SOX1: variants seen among roughly 807,000 people sequenced by gnomAD.
SOX1 encodes transcription factor SOX-1.
Under a neutral mutation model 0.9 loss-of-function variants are expected in SOX1, and 1 was observed. The ratio of observed to expected loss-of-function variants is 1.07; its 90% CI spans 0.38 to 5.06. The LOEUF is 5.06. SOX1 is among the 30% of genes most tolerant of loss of function. The probability of loss-of-function intolerance (pLI) is 0.16; values close to 1 mark genes in which losing one functional copy is unlikely to be tolerated. For synonymous variants in SOX1, 397 were observed against 265.5 expected, an observed-to-expected ratio of 1.50 and a Z score of -4.81; for missense variants, 564 against 534.4, an observed-to-expected ratio of 1.06 and a Z score of -0.55.
Position 112,068,747 on chromosome 13 carries a change from G to C in SOX1, c.1089G>C (p.Ala363=). 8.4e-7 allele frequency: 1 copy of C among 1,195,612 alleles called. No homozygotes were observed. Among genetic ancestry groups the C allele is most frequent in the Non-Finnish European group, 1.0e-6 (1 of 965,200 alleles). The allele number at this position is 1,195,612 out of a possible 1,614,324, so 74.1% of individuals were successfully genotyped here. The change falls in exon 1 of 1, where the codon GCG becomes GCC. Residue 363 remains alanine (A), a synonymous_variant. Transcript: ENST00000330949. This position sits in a 1 kb window ranked among gnomAD's most constrained non-coding sequence, Gnocchi z 6.9. The stretch of plus-strand genomic sequence containing the variant: ...ACCCGGCGGCGGCAGCAGCGGCCGC[G>C]GCGCAGAGCCGGCTGCACTCGCTGC... ...GGDPAAAAAA[A]AQSRLHSLPQ...
chr13:112,071,436 T>G lies in SOX1; in HGVS notation c.*2602T>G, dbSNP rs1483862093. ...AACACAGAAAAAAGCAAATATAAAT[T>G]TTTAATGACTCCATTTAAAAATATC... On this transcript the variant is annotated 3_prime_UTR_variant, in exon 1 of 1. Transcript: ENST00000330949. 6.6e-6 allele frequency among the ~76,000 whole-genome samples: 1 copy of G among 152,214 alleles called. No homozygotes were observed. Among genetic ancestry groups the G allele is most frequent in the Non-Finnish European group, 1.5e-5 (1 of 68,046 alleles).
At position 112,067,754 on chromosome 13, in the gene SOX1, G is replaced by A. The variant is rs1215133635; in HGVS notation, c.96G>A (p.Gly32=). Residue 32 remains glycine (G), a synonymous_variant, in exon 1 of 1, where the codon GGG becomes GGA. Coordinates refer to ENST00000330949, the MANE Select transcript of SOX1 (RefSeq NM_005986.3). The surrounding 1 kb of genome is among the most constrained non-coding windows in gnomAD (Gnocchi z 5.1). ...GCCCCGCCGGGGCGGGCGGCGGCGG[G>A]GGCGGAGGCGGGGGCGGCGGCGGCG... ...LSGPAGAGGG[G]GGGGGGGGGG... 4.0e-5 allele frequency: 50 copies of A among 1,237,656 alleles called. No individual in the cohort carries two copies. The highest frequency in any genetic ancestry group is 5.1e-5 in the Non-Finnish European group (50 of 985,272). 76.7% of individuals were successfully genotyped at this position (1,237,656 alleles called of 1,614,324 possible). A position where few individuals can be genotyped will look rare whatever the true frequency, so the allele number is the denominator to read the frequency against.
Position 112,068,160 on chromosome 13 carries a change from C to A in SOX1, c.502C>A (p.Gln168Lys). 1 of 970,836 alleles carries A rather than the reference C, an allele frequency of 1.0e-6. No individual in the cohort carries two copies. The highest frequency in any genetic ancestry group is 1.2e-6 in the Non-Finnish European group (1 of 803,844). The allele number at this position is 970,836 out of a possible 1,614,324, so 60.1% of individuals were successfully genotyped here. A position where few individuals can be genotyped will look rare whatever the true frequency, so the allele number is the denominator to read the frequency against. ...GVGVGAAAVG[Q>K]RLESPGGAAG... ...GGGCGTGGGCGCGGCGGCCGTGGGCCAGCGCCTGGAGAGCCCAGGCGGCGC... is the reference window on the plus strand; with the variant it reads ...GGGCGTGGGCGCGGCGGCCGTGGGCAAGCGCCTGGAGAGCCCAGGCGGCGC... The change falls in exon 1 of 1, where the codon CAG becomes AAG. Residue 168 changes from glutamine (Q) to lysine (K), a missense_variant. By Grantham distance (53) the Gln-to-Lys change is moderately conservative. Transcript: ENST00000330949. The surrounding 1 kb of genome is among the most constrained non-coding windows in gnomAD (Gnocchi z 6.9).
Position 112,068,134 on chromosome 13 carries a change from T to TGGGCGTGGGCGCGGC in SOX1, c.479_493dup (p.Gly160_Ala164dup). 1 of 1,108,118 alleles carries TGGGCGTGGGCGCGGC rather than the reference T, an allele frequency of 9.0e-7. No individual in the cohort carries two copies. Among genetic ancestry groups the TGGGCGTGGGCGCGGC allele is most frequent in the Non-Finnish European group, 1.1e-6 (1 of 901,994 alleles). The allele number at this position is 1,108,118 out of a possible 1,614,324, so 68.6% of individuals were successfully genotyped here. On this transcript the variant is annotated inframe_insertion, in exon 1 of 1. Transcript: ENST00000330949. This position sits in a 1 kb window ranked among gnomAD's most constrained non-coding sequence, Gnocchi z 6.9. Reference sequence around the variant, plus strand: ...GCGGCTGTGGCCATGGGCGTGGGCGTGGGCGTGGGCGCGGCGGCCGTGGGC... The same window carrying TGGGCGTGGGCGCGGC: ...GCGGCTGTGGCCATGGGCGTGGGCGTGGGCGTGGGCGCGGCGGGCGTGGGCGCGGCGGCCGTGGGC...
rs117681231 is a variant in SOX1 at position 112,071,569 on chromosome 13, G to A, written c.*2735G>A. Among the ~76,000 whole-genome samples, 797 of 152,192 alleles carry A rather than the reference G, an allele frequency of 5.2e-3. No homozygotes were observed. The highest frequency in any genetic ancestry group is 8.2e-3 in the Non-Finnish European group (561 of 68,004). ...CTCCAATTCAAATTAGTGGAGAAAAGATTACAGTAGGCCCTGAGCCGACTG... is the reference window on the plus strand; with the variant it reads ...CTCCAATTCAAATTAGTGGAGAAAAAATTACAGTAGGCCCTGAGCCGACTG... On this transcript the variant is annotated 3_prime_UTR_variant, in exon 1 of 1. Coordinates refer to ENST00000330949, the MANE Select transcript of SOX1 (RefSeq NM_005986.3).
rs939901327 is a variant in SOX1, at chr13:112,067,356, G to A, written c.-303G>A. ...GGCCACGACTGCACCTGTTTGCACC[G>A]CTCCGCCGAGGGCGCCTGGGCTGCG... is the stretch of plus-strand genomic sequence containing the variant. On this transcript the variant is annotated 5_prime_UTR_variant, in exon 1 of 1. Transcript: ENST00000330949. The surrounding 1 kb of genome is among the most constrained non-coding windows in gnomAD (Gnocchi z 5.1). Among the ~76,000 whole-genome samples, 48 of 152,254 alleles carry A rather than the reference G, an allele frequency of 3.2e-4. 1 individual carries two copies. Among genetic ancestry groups the A allele is most frequent in the African/African-American group, 1.1e-3 (44 of 41,574 alleles).
Position 112,070,382 on chromosome 13 carries a change from C to T in SOX1, c.*1548C>T, listed in dbSNP as rs1203075318. The T allele has an allele frequency of 6.0e-6, 1 of 166,278 alleles. No homozygotes were observed. The highest frequency in any genetic ancestry group is 1.5e-5 in the Non-Finnish European group (1 of 68,004). 10.3% of individuals were successfully genotyped at this position (166,278 alleles called of 1,614,324 possible). A position where few individuals can be genotyped will look rare whatever the true frequency, so the allele number is the denominator to read the frequency against. ...TTAAATTTTTTAATTATATTATTTT[C>T]TAGGTGTTTATTGGTACATTGCAGT... On this transcript the variant is annotated 3_prime_UTR_variant, in exon 1 of 1. Coordinates refer to ENST00000330949, the MANE Select transcript of SOX1 (RefSeq NM_005986.3).
Position 112,068,605 on chromosome 13 carries a change from C to G in SOX1, c.947C>G (p.Ser316Cys). Residue 316 changes from serine to cysteine, a missense_variant, in exon 1 of 1, where the codon TCT (serine) becomes TGT (cysteine). Coordinates refer to ENST00000330949, the MANE Select transcript of SOX1 (RefSeq NM_005986.3). The surrounding 1 kb of genome is among the most constrained non-coding windows in gnomAD (Gnocchi z 6.9). ...TCGGGCGCCCTGGGCGCGCTGGGCT[C>G]TCTGGTGAAGTCGGAGCCCAGCGGC... The part of the protein sequence containing the change: ...ASSGALGALG[S>C]LVKSEPSGSP... The G allele has an allele frequency of 8.8e-7, 1 of 1,130,510 alleles. No individual in the cohort carries two copies. Among genetic ancestry groups the G allele is most frequent in the Non-Finnish European group, 1.1e-6 (1 of 925,324 alleles). The allele number at this position is 1,130,510 out of a possible 1,614,324, so 70.0% of individuals were successfully genotyped here. A position where few individuals can be genotyped will look rare whatever the true frequency, so the allele number is the denominator to read the frequency against.
In SOX1 at chr13:112,071,434, A is replaced by AT; in HGVS notation, c.*2605dup. Among the ~76,000 whole-genome samples, 1 of 152,348 alleles carries AT rather than the reference A, an allele frequency of 6.6e-6. No homozygotes were observed. The highest frequency in any genetic ancestry group is 2.1e-4 in the South Asian group (1 of 4,820). ...ACAACACAGAAAAAAGCAAATATAA[A>AT]TTTTTAATGACTCCATTTAAAAATA... On this transcript the variant is annotated 3_prime_UTR_variant, in exon 1 of 1. Coordinates refer to ENST00000330949, the MANE Select transcript of SOX1 (RefSeq NM_005986.3).
At position 112,068,672 on chromosome 13, in the gene SOX1, G is replaced by A. The variant is rs1594124209; in HGVS notation, c.1014G>A (p.Gly338=). The A allele has an allele frequency of 1.7e-6, 2 of 1,171,372 alleles. No homozygotes were observed. The highest frequency in any genetic ancestry group is 1.6e-5 in the African/African-American group (1 of 61,960). The allele number at this position is 1,171,372 out of a possible 1,614,324, so 72.6% of individuals were successfully genotyped here. ...APAHSRAPCP[G]DLREMISMYL... ...CGCACTCGCGGGCGCCGTGCCCCGG[G>A]GACCTGCGCGAGATGATCAGCATGT... Residue 338 remains glycine (G), a synonymous_variant, in exon 1 of 1, where the codon GGG becomes GGA. Coordinates refer to ENST00000330949, the MANE Select transcript of SOX1 (RefSeq NM_005986.3). The surrounding 1 kb of genome is among the most constrained non-coding windows in gnomAD (Gnocchi z 6.9).
chr13:112,068,068 T>C lies in SOX1; in HGVS notation c.410T>C (p.Leu137Pro), dbSNP rs766297500. 1.3e-6 allele frequency: 2 copies of C among 1,571,390 alleles called. No individual in the cohort carries two copies. The highest frequency in any genetic ancestry group is 3.5e-5 in the Admixed American group (2 of 56,492). The stretch of plus-strand genomic sequence containing the variant: ...CTGCTCAAGAAGGACAAGTACTCGC[T>C]GGCCGGCGGGCTCCTGGCGGCCGGC... ...KTLLKKDKYS[L>P]AGGLLAAGAG... is the part of the protein sequence containing the mutation. Residue 137 changes from leucine (L) to proline (P), a missense_variant, in exon 1 of 1, where the codon CTG (leucine) becomes CCG (proline). Leu to Pro is a moderately conservative substitution (Grantham distance 98). Coordinates refer to ENST00000330949, the MANE Select transcript of SOX1 (RefSeq NM_005986.3). This position sits in a 1 kb window ranked among gnomAD's most constrained non-coding sequence, Gnocchi z 6.9.
At position 112,068,822 on chromosome 13, in the gene SOX1, G is replaced by T; in HGVS notation, c.1164G>T (p.Leu388=). ...AGAGVNGTVP[L]THI The stretch of plus-strand genomic sequence containing the variant: ...CGGGCGTGAACGGCACGGTGCCCCT[G>T]ACGCACATCTAGCGCCTTCGGGACG... Residue 388 remains leucine (L), a synonymous_variant, in exon 1 of 1, where the codon CTG becomes CTT. Transcript: ENST00000330949. The surrounding 1 kb of genome is among the most constrained non-coding windows in gnomAD (Gnocchi z 6.9). 1 of 1,228,016 alleles carries T rather than the reference G, an allele frequency of 8.1e-7. No homozygotes were observed. The highest frequency in any genetic ancestry group is 3.7e-5 in the South Asian group (1 of 26,848). The allele number at this position is 1,228,016 out of a possible 1,614,324, so 76.1% of individuals were successfully genotyped here.
Position 112,068,141 on chromosome 13 carries a change from G to C in SOX1, c.483G>C (p.Val161=). Residue 161 remains valine (V), a synonymous_variant, in exon 1 of 1, where the codon GTG becomes GTC. Transcript: ENST00000330949. This position sits in a 1 kb window ranked among gnomAD's most constrained non-coding sequence, Gnocchi z 6.9. ...TGGCCATGGGCGTGGGCGTGGGCGT[G>C]GGCGCGGCGGCCGTGGGCCAGCGCC... The part of the protein sequence containing the change: ...AAVAMGVGVG[V]GAAAVGQRLE... 9.3e-7 allele frequency: 1 copy of C among 1,078,760 alleles called. No homozygotes were observed. The highest frequency in any genetic ancestry group is 1.1e-6 in the Non-Finnish European group (1 of 883,060). 66.8% of individuals were successfully genotyped at this position (1,078,760 alleles called of 1,614,324 possible). A position where few individuals can be genotyped will look rare whatever the true frequency, so the allele number is the denominator to read the frequency against.
rs751088858 is a variant in SOX1, at chr13:112,067,705, C to T, written c.47C>T (p.Ala16Val). The change falls in exon 1 of 1, where the codon GCC (alanine) becomes GTC (valine). Residue 16 changes from alanine (A) to valine (V), a missense_variant. By Grantham distance (64) the Ala-to-Val change is moderately conservative. Transcript: ENST00000330949. The surrounding 1 kb of genome is among the most constrained non-coding windows in gnomAD (Gnocchi z 5.1). ...ACCGACCTGCACTCGCCCGGCGGCG[C>T]CCAGGCCCCCACGAACCTCTCGGGC... ...METDLHSPGG[A>V]QAPTNLSGPA... 13 of 1,280,082 alleles carry T rather than the reference C, an allele frequency of 1.0e-5. No homozygotes were observed. Among genetic ancestry groups the T allele is most frequent in the African/African-American group, 1.5e-5 (1 of 64,808 alleles). The allele number at this position is 1,280,082 out of a possible 1,614,324, so 79.3% of individuals were successfully genotyped here.
rs1385495055 is a variant in SOX1, at chr13:112,069,481, T to C, written c.*647T>C. On this transcript the variant is annotated 3_prime_UTR_variant, in exon 1 of 1. Transcript: ENST00000330949. ...TGGGTTTTGTATTATTTCTTGTAAA[T>C]GCATTGTGAAAAATTTTATTTTCGG... The C allele has an allele frequency of 1.2e-5, 2 of 167,000 alleles. No individual in the cohort carries two copies. Among genetic ancestry groups the C allele is most frequent in the Non-Finnish European group, 1.5e-5 (1 of 68,110 alleles). The allele number at this position is 167,000 out of a possible 1,614,324, so 10.3% of individuals were successfully genotyped here.
At position 112,068,262 on chromosome 13, in the gene SOX1, G is replaced by GCGT; in HGVS notation, c.605_606insGTC (p.Ala202_Ala203insSer). 2 of 807,792 alleles carry GCGT rather than the reference G, an allele frequency of 2.5e-6. No homozygotes were observed. Among genetic ancestry groups the GCGT allele is most frequent in the Non-Finnish European group, 3.0e-6 (2 of 662,334 alleles). The allele number at this position is 807,792 out of a possible 1,614,324, so 50.0% of individuals were successfully genotyped here. ...CGGCTCGGTGGCGGCGGCGGCGGCG[G>GCGT]CCGCGGCCATGATGCAGGAGGCGCA... is the stretch of plus-strand genomic sequence containing the variant. On this transcript the variant is annotated inframe_insertion, in exon 1 of 1. Coordinates refer to ENST00000330949, the MANE Select transcript of SOX1 (RefSeq NM_005986.3). The surrounding 1 kb of genome is among the most constrained non-coding windows in gnomAD (Gnocchi z 6.9).
chr13:112,070,692 C>G lies in SOX1; in HGVS notation c.*1858C>G, dbSNP rs573475331. The stretch of plus-strand genomic sequence containing the variant: ...CCTATGCTATAAGTTTAATGAGAAC[C>G]GAATTCAGCCTGCATTCGAGAATAG... On this transcript the variant is annotated 3_prime_UTR_variant, in exon 1 of 1. Transcript: ENST00000330949. Among the ~76,000 whole-genome samples the G allele has an allele frequency of 3.9e-5, 6 of 152,142 alleles. No individual in the cohort carries two copies. Among genetic ancestry groups the G allele is most frequent in the African/African-American group, 1.4e-4 (6 of 41,418 alleles).
rs113831383 is a variant in SOX1 at position 112,067,612 on chromosome 13, C to G, written c.-47C>G. 9.3e-4 allele frequency: 1,102 copies of G among 1,183,754 alleles called. 5 individuals are homozygous for G. The African/African-American group carries it at 0.016, about 18-fold the overall frequency. The allele number at this position is 1,183,754 out of a possible 1,614,324, so 73.3% of individuals were successfully genotyped here. ...CTCCCTCCCACCCCGGCCGTCTATG[C>G]TCCAGGCCCTCTCCTCGCGGTGCCG... is the stretch of plus-strand genomic sequence containing the variant. On this transcript the variant is annotated 5_prime_UTR_variant, in exon 1 of 1. Transcript: ENST00000330949. This position sits in a 1 kb window ranked among gnomAD's most constrained non-coding sequence, Gnocchi z 5.1.
chr13:112,068,548 T>TGGCGGCGGCGGCGGC lies in SOX1; in HGVS notation c.900_914dup (p.Ala302_Ala306dup). On this transcript the variant is annotated inframe_insertion, in exon 1 of 1. Coordinates refer to ENST00000330949, the MANE Select transcript of SOX1 (RefSeq NM_005986.3). This position sits in a 1 kb window ranked among gnomAD's most constrained non-coding sequence, Gnocchi z 6.9. ...GGCGGCGCGCACCAGAACTCGGCCG[T>TGGCGGCGGCGGCGGC]GGCGGCGGCGGCGGCGGCGGCGGCC... 3 of 919,734 alleles carry TGGCGGCGGCGGCGGC rather than the reference T, an allele frequency of 3.3e-6. No individual in the cohort carries two copies. The highest frequency in any genetic ancestry group is 3.9e-6 in the Non-Finnish European group (3 of 776,068). 57.0% of individuals were successfully genotyped at this position (919,734 alleles called of 1,614,324 possible). A position where few individuals can be genotyped will look rare whatever the true frequency, so the allele number is the denominator to read the frequency against.
Sources: gnomAD v4.1 joint callset for allele counts (sites outside exome capture counted in the v4.1 genomes callset) on GRCh38, gnomAD v4.1.1 for gene constraint, Gnocchi (gnomAD v3.1) non-coding constraint, MANE v1.5 for transcripts, NCBI Gene and HGNC (gene_info 2026-07-23, HGNC 2026-07-21) for gene names.